The following CHD5 variants were observed in gnomAD, a reference collection of about 807,000 sequenced individuals.
CHD5 encodes the protein chromodomain helicase DNA binding protein 5.
A neutral mutation model predicts 230.3 loss-of-function variants in CHD5; 69 were observed. The ratio of observed to expected loss-of-function variants is 0.30; its 90% CI spans 0.25 to 0.37. CHD5 has a LOEUF of 0.37. Among genes scored for constraint, CHD5 ranks in the 10% least tolerant of loss-of-function variants. CHD5 has a pLI of 1.00. For missense variants in CHD5, 1,827 were observed against 2,622.8 expected (o/e 0.70, Z 6.63); for synonymous variants, 1,064 against 1,065.9 (o/e 1.00, Z 0.03).
chr1:6,122,504 T>G (rs1400184712), intron 31 of CHD5, among the ~76,000 whole-genome samples: 2 of 152,174 alleles, frequency 1.3e-5, no homozygotes, highest in Non-Finnish European at 2.9e-5. Context: ...GCTGAAGACG[T>G]GGAGAACCTG....
intron 33 of CHD5, among the ~76,000 whole-genome samples, chr1:6,113,666 C>T (rs187100392): frequency 2.0e-5 from 3 of 152,230 alleles, no homozygotes; most frequent in South Asian, 2.1e-4. Context: ...GATGCCAACA[C>T]GGTCCAACAC....
chr1:6,137,544 G>A (rs1206711661), intron 15 of CHD5, among the ~76,000 whole-genome samples: 1 of 151,866 alleles, frequency 6.6e-6, no homozygotes, highest in East Asian at 1.9e-4. Context: ...TGTTAACTAG[G>A]CTGGCTTCAA....
At chr1:6,159,875 G>T (rs1667139486) in intron 2 of CHD5, among the ~76,000 whole-genome samples, 1 of 152,270 alleles carries the variant, frequency 6.6e-6, no homozygotes, top group Middle Eastern at 3.2e-3. Flanking sequence ...AGTCATCATT[G>T]GGCTTCTATG....
Position 6,128,792 on chromosome 1 carries a change from G to A in CHD5, c.3619+46C>T, listed in dbSNP as rs371185539. ...CAAGCCCTGGATGGGTGTCTCAGCC[G>A]GGCCACCCCAGTCCCCTGCCACGCT... On this transcript the variant is annotated intron_variant, in intron 23 of 41. Transcript: ENST00000262450. This position sits in a 1 kb window ranked among gnomAD's most constrained non-coding sequence, Gnocchi z 7.8. The A allele has an allele frequency of 3.6e-4, 558 of 1,537,532 alleles. 1 individual carries two copies. The Middle Eastern group carries it at 4.8e-3, about 13-fold the overall frequency.
At chr1:6,135,710 C>A (rs1230096070) in intron 17 of CHD5, among the ~76,000 whole-genome samples, 2 of 152,182 alleles carry the variant, frequency 1.3e-5, no homozygotes, top group East Asian at 3.8e-4. Context: ...CCAGCTGTGC[C>A]AAAACCGGCC....
chr1:6,174,496 AGATG>A (rs1667388725), intron 1 of CHD5, among the ~76,000 whole-genome samples: 1 of 142,556 alleles, frequency 7.0e-6, no homozygotes, highest in African/African-American at 2.9e-5. Flanking sequence ...ATGGATGGAT[AGATG>A]GATGGATGGT....
chr1:6,142,004 C>CA lies in CHD5; in HGVS notation c.2436+123dup, dbSNP rs1666835647. ...AACTCAGCCTCTAGGACAAGCCCCTCAGAGCCTGCCGGCCTCGGTAGCCCT... is the reference window on the plus strand; with the variant it reads ...AACTCAGCCTCTAGGACAAGCCCCTCAAGAGCCTGCCGGCCTCGGTAGCCCT... On this transcript the variant is annotated intron_variant, in intron 15 of 41. Transcript: ENST00000262450. This position sits in a 1 kb window ranked among gnomAD's most constrained non-coding sequence, Gnocchi z 5.2. The CA allele has an allele frequency of 1.2e-6, 1 of 817,446 alleles. No individual in the cohort carries two copies. Among genetic ancestry groups the CA allele is most frequent in the African/African-American group, 1.7e-5 (1 of 59,096 alleles). 50.6% of individuals were successfully genotyped at this position (817,446 alleles called of 1,614,324 possible). A position where few individuals can be genotyped will look rare whatever the true frequency, so the allele number is the denominator to read the frequency against.
intron 5 of CHD5, among the ~76,000 whole-genome samples, chr1:6,153,483 C>T (rs1001736120): frequency 1.3e-5 from 2 of 152,188 alleles, no homozygotes; most frequent in African/African-American, 4.8e-5. Flanking sequence ...GAAACTAAAG[C>T]TCCTTGGGGC....
chr1:6,137,000 A>G, intron 15 of CHD5, 135 bp from the exon 16 acceptor site: 1 of 867,392 alleles, frequency 1.2e-6, no homozygotes, highest in Non-Finnish European at 1.7e-6. Context: ...CGGCCAGCCT[A>G]GGACCAGAGG....
rs1666709971 is a variant in CHD5 at position 6,134,571 on chromosome 1, G to A, written c.3012+147C>T. On this transcript the variant is annotated intron_variant, in intron 19 of 41. Transcript: ENST00000262450. This position sits in a 1 kb window ranked among gnomAD's most constrained non-coding sequence, Gnocchi z 6.3. ...TGGCCACAGGCAACCTTCCATGATG[G>A]CCAGGGAAACCTACCATGACAGCCA... 1 of 923,162 alleles carries A rather than the reference G, an allele frequency of 1.1e-6. No individual in the cohort carries two copies. Among genetic ancestry groups the A allele is most frequent in the African/African-American group, 1.6e-5 (1 of 61,876 alleles). The allele number at this position is 923,162 out of a possible 1,614,324, so 57.2% of individuals were successfully genotyped here.
chr1:6,103,045 A>G lies in CHD5; in HGVS notation c.*2429T>C, dbSNP rs927911243. 2.6e-5 allele frequency: 4 copies of G among 152,384 alleles called. No homozygotes were observed. Among genetic ancestry groups the G allele is most frequent in the Non-Finnish European group, 5.9e-5 (4 of 68,038 alleles). 9.4% of individuals were successfully genotyped at this position (152,384 alleles called of 1,614,324 possible). A position where few individuals can be genotyped will look rare whatever the true frequency, so the allele number is the denominator to read the frequency against. ...GACCCTGATTCTACCAGCAGCAAAA[A>G]CCAAACCCAGCCCAAAGACGCCAAA... On this transcript the variant is annotated 3_prime_UTR_variant, in exon 42 of 42. Transcript: ENST00000262450.
intron 33 of CHD5, among the ~76,000 whole-genome samples, chr1:6,115,927 C>T (rs892693085): frequency 6.6e-6 from 1 of 152,186 alleles, no homozygotes; most frequent in Non-Finnish European, 1.5e-5. Context: ...TTTTAAAAAA[C>T]AGCTGTGCAA....
chr1:6,111,045 C>T (rs1406399086), intron 36 of CHD5, among the ~76,000 whole-genome samples: 3 of 151,786 alleles, frequency 2.0e-5, no homozygotes, highest in Non-Finnish European at 4.4e-5. Flanking sequence ...GCCTGGCCAA[C>T]AAGGCGAAAC....
At position 6,154,429 on chromosome 1, in the gene CHD5, G is replaced by A. The variant is rs944202028; in HGVS notation, c.745+231C>T. Among the ~76,000 whole-genome samples the A allele has an allele frequency of 2.6e-5, 4 of 152,092 alleles. No homozygotes were observed. Among genetic ancestry groups the A allele is most frequent in the Admixed American group, 2.0e-4 (3 of 15,266 alleles). On this transcript the variant is annotated intron_variant, in intron 5 of 41. Transcript: ENST00000262450. The surrounding 1 kb of genome is among the most constrained non-coding windows in gnomAD (Gnocchi z 7.0). ...CTCCCAGACCTCTGCCCACATCATC[G>A]CCTCTGCTTCTCCACCAACCCCAAA...
intron 1 of CHD5, among the ~76,000 whole-genome samples, chr1:6,177,054 T>G (rs1380592924): frequency 6.6e-6 from 1 of 152,124 alleles, no homozygotes; most frequent in Non-Finnish European, 1.5e-5. Flanking sequence ...AATTCACTGC[T>G]GAGAGTGAGC....
At chr1:6,127,987 G>GGGGCGGGGCTGCGGGTGGA (rs1666589570) in intron 25 of CHD5, 59 bp downstream of exon 25, 1 of 1,432,010 alleles carries the variant, frequency 7.0e-7, no homozygotes, top group African/African-American at 1.4e-5. Flanking sequence ...GACACAGTGG[G>GGGGCGGGGCTGCGGGTGGA]GGGCGGGGCT....
rs1464066058 is a variant in CHD5 at position 6,131,390 on chromosome 1, C to T, written c.3262+241G>A. On this transcript the variant is annotated intron_variant, in intron 21 of 41. Coordinates refer to ENST00000262450, the MANE Select transcript of CHD5 (RefSeq NM_015557.3). This position sits in a 1 kb window ranked among gnomAD's most constrained non-coding sequence, Gnocchi z 5.0. ...TCACCTGGCGTCAATATTAGAGGCC[C>T]CGTCTGCGTTTCTCATTGTCTAACT... is the stretch of plus-strand genomic sequence containing the variant. 6.6e-6 allele frequency among the ~76,000 whole-genome samples: 1 copy of T among 152,182 alleles called. No homozygotes were observed.
At chr1:6,150,479 CGGACGGAT>C (rs1207855878) in intron 7 of CHD5, among the ~76,000 whole-genome samples, 16 of 88,150 alleles carry the variant, frequency 1.8e-4, no homozygotes, top group African/African-American at 6.7e-4. Flanking sequence ...GACGGACGGA[CGGACGGAT>C]GGACAAAAGG....
At chr1:6,114,250 C>T (rs1300723429) in intron 33 of CHD5, among the ~76,000 whole-genome samples, 1 of 110,484 alleles carries the variant, frequency 9.1e-6, no homozygotes, top group Non-Finnish European at 1.9e-5. Context: ...GAGACTCCGT[C>T]TCAAAAAAAA....
Sources: allele counts gnomAD v4.1 joint callset (sites outside exome capture counted in the v4.1 genomes callset), GRCh38; gene constraint gnomAD v4.1.1; non-coding constraint Gnocchi (gnomAD v3.1); transcripts MANE v1.5; gene names NCBI Gene and HGNC (gene_info 2026-07-23, HGNC 2026-07-21).